Variants in SYNJ2 observed in about 807,000 individuals in gnomAD.
The protein encoded by SYNJ2 is synaptojanin 2, also known as polyphosphatidylinositol phosphatase SYNJ2.
SYNJ2 carries 116 observed loss-of-function variants against 141.3 expected under a neutral mutation model. The ratio of observed to expected loss-of-function variants is 0.82; its 90% CI spans 0.71 to 0.96. The LOEUF (loss-of-function observed/expected upper bound fraction) is 0.96. Ranked by LOEUF, SYNJ2 falls within the 40% of genes least tolerant of loss-of-function variation. The pLI is 0.00. For missense variants in SYNJ2, 1,873 were observed against 1,934.8 expected (o/e 0.97, Z 0.60); for synonymous variants, 745 against 777.7 (o/e 0.96, Z 0.70).
intron 5 of SYNJ2, among the ~76,000 whole-genome samples, chr6:158,046,826 C>T (rs1465684306): frequency 6.6e-6 from 1 of 152,114 alleles, no homozygotes; most frequent in Non-Finnish European, 1.5e-5. Context: ...CTAGCTAGTT[C>T]GAGAATCTAT....
At chr6:158,065,359 G>C (rs1781501156) in intron 11 of SYNJ2, among the ~76,000 whole-genome samples, 1 of 152,206 alleles carries the variant, frequency 6.6e-6, no homozygotes, top group Non-Finnish European at 1.5e-5. Context: ...TGTTGGCTTT[G>C]GGAGCTTCCC....
At chr6:158,056,057 G>A (rs2128357030) in intron 6 of SYNJ2, among the ~76,000 whole-genome samples, 1 of 152,250 alleles carries the variant, frequency 6.6e-6, no homozygotes, top group East Asian at 1.9e-4. Context: ...GGAGTCGCCT[G>A]GGTGACAGAG....
Position 158,078,270 on chromosome 6 carries a change from G to A in SYNJ2, c.2556G>A (p.Ala852=), listed in dbSNP as rs2296507. ...LQYYGRAELQ[A]SDHRPVLAIV... ...ATTATGGTCGTGCGGAGCTACAAGCGTCTGATCACAGGTGAGGTCCTGACT... is the reference window on the plus strand; with the variant it reads ...ATTATGGTCGTGCGGAGCTACAAGCATCTGATCACAGGTGAGGTCCTGACT... Residue 852 remains alanine (A), a synonymous_variant, in exon 18 of 27, where the codon GCG becomes GCA. Coordinates refer to ENST00000355585, the MANE Select transcript of SYNJ2 (RefSeq NM_003898.4). 10 of 1,612,216 alleles carry A rather than the reference G, an allele frequency of 6.2e-6. No individual in the cohort carries two copies. Among genetic ancestry groups the A allele is most frequent in the South Asian group, 5.5e-5 (5 of 91,010 alleles).
chr6:158,024,765 G>A (rs981650542), intron 2 of SYNJ2, among the ~76,000 whole-genome samples: 1 of 152,120 alleles, frequency 6.6e-6, no homozygotes, highest in Non-Finnish European at 1.5e-5. Context: ...CTGAAGAGGG[G>A]GGACTGGAAA....
In SYNJ2 at chr6:158,004,562, C is replaced by T. The variant is rs997164643; in HGVS notation, c.128-12642C>T. On this transcript the variant is annotated intron_variant, in intron 1 of 26. Coordinates refer to ENST00000355585, the MANE Select transcript of SYNJ2 (RefSeq NM_003898.4). ...ACCCCTTTCCCAGAAATGAATAATC[C>T]ACCCCTTATTTAGCATATAATCCAG... Among the ~76,000 whole-genome samples, 3 of 152,172 alleles carry T rather than the reference C, an allele frequency of 2.0e-5. No individual in the cohort carries two copies. The East Asian group carries it at 5.8e-4, about 29-fold the overall frequency.
chr6:158,025,109 C>T (rs73015982), intron 2 of SYNJ2, among the ~76,000 whole-genome samples: 12,091 of 152,218 alleles, frequency 0.079, 571 homozygotes, highest in South Asian at 0.19. Context: ...GCTGGAAGTC[C>T]GAGACCAGCG....
At chr6:158,006,450 A>G (rs2886119) in intron 1 of SYNJ2, among the ~76,000 whole-genome samples, 81,048 of 151,910 alleles carry the variant, frequency 0.53, 22,074 homozygotes, top group Middle Eastern at 0.71. Context: ...TGACCTGCTG[A>G]CTGCTCTTGC....
Position 158,063,861 on chromosome 6 carries a change from A to G in SYNJ2, c.1198A>G (p.Ile400Val), listed in dbSNP as rs1164090498. ...LDRTNTVQSF[I>V]ALEVLHLQLK... The stretch of plus-strand genomic sequence containing the variant: ...CCGAACCAACACTGTGCAGAGCTTC[A>G]TCGCGCTCGAGGTGCGTCCCTGCCA... Residue 400 changes from isoleucine to valine, a missense_variant, in exon 9 of 27, where the codon ATC (isoleucine) becomes GTC (valine). By Grantham distance (29) the Ile-to-Val change is conservative. Coordinates refer to ENST00000355585, the MANE Select transcript of SYNJ2 (RefSeq NM_003898.4). 1.9e-6 allele frequency: 3 copies of G among 1,613,520 alleles called. No homozygotes were observed. The highest frequency in any genetic ancestry group is 4.5e-5 in the East Asian group (2 of 44,858).
At chr6:157,999,835 G>A (rs1479772216) in intron 1 of SYNJ2, among the ~76,000 whole-genome samples, 1 of 152,208 alleles carries the variant, frequency 6.6e-6, no homozygotes, top group Non-Finnish European at 1.5e-5. Flanking sequence ...AAGCTGTGAT[G>A]TGCAGGTGAC....
In SYNJ2 at chr6:158,095,666, A is replaced by G. The variant is rs1055319536; in HGVS notation, c.3793A>G (p.Ile1265Val). The change falls in exon 27 of 27, where the codon ATC becomes GTC. Residue 1265 changes from isoleucine to valine, a missense_variant. Transcript: ENST00000355585. ...QFEQQTVHFT[I>V]GPPETSVEAP... The stretch of plus-strand genomic sequence containing the variant: ...TGAGCAACAGACTGTCCATTTTACA[A>G]TCGGGCCCCCGGAGACAAGCGTTGA... The G allele has an allele frequency of 8.1e-6, 13 of 1,612,608 alleles. No individual in the cohort carries two copies. The highest frequency in any genetic ancestry group is 4.4e-5 in the South Asian group (4 of 90,898).
chr6:158,010,327 G>A (rs1778217516), intron 1 of SYNJ2, among the ~76,000 whole-genome samples: 1 of 152,228 alleles, frequency 6.6e-6, no homozygotes, highest in Non-Finnish European at 1.5e-5. Flanking sequence ...AGAAAATACA[G>A]TTGTTTGGGG....
intron 4 of SYNJ2, among the ~76,000 whole-genome samples, chr6:158,039,853 G>A (rs547688595): frequency 4.6e-5 from 7 of 152,282 alleles, no homozygotes; most frequent in African/African-American, 1.7e-4. Flanking sequence ...TTGTGGTGCC[G>A]CCCGCAGGTC....
In SYNJ2 at chr6:158,088,817, G is replaced by A. The variant is rs759127026; in HGVS notation, c.3456+45G>A. ...TTTCAATCCCAAGGGTTTTGCCCCC[G>A]GGATAGTGTGGGATCTCTCTTCTCA... On this transcript the variant is annotated intron_variant, in intron 24 of 26. Coordinates refer to ENST00000355585, the MANE Select transcript of SYNJ2 (RefSeq NM_003898.4). The A allele has an allele frequency of 2.1e-5, 27 of 1,300,762 alleles. No homozygotes were observed. In the African/African-American group the frequency reaches 2.8e-4, roughly 13 times the overall value. 80.6% of individuals were successfully genotyped at this position (1,300,762 alleles called of 1,614,324 possible).
chr6:158,041,837 T>C (rs1463602638), intron 4 of SYNJ2, among the ~76,000 whole-genome samples: 2 of 152,210 alleles, frequency 1.3e-5, no homozygotes, highest in Non-Finnish European at 2.9e-5. Context: ...GCCTCCCGAA[T>C]AGCTGGGACT....
chr6:158,038,431 C>T (rs533856266), intron 4 of SYNJ2, among the ~76,000 whole-genome samples: 7 of 152,326 alleles, frequency 4.6e-5, no homozygotes, highest in East Asian at 1.9e-4. Flanking sequence ...ATGGTGACTT[C>T]GTTAACAAGA....
chr6:158,023,219 C>T (rs1336619041), intron 2 of SYNJ2, among the ~76,000 whole-genome samples: 1 of 150,308 alleles, frequency 6.7e-6, no homozygotes, highest in Non-Finnish European at 1.5e-5. Flanking sequence ...GATCAAGTCA[C>T]TGCACTCCAG....
chr6:157,996,709 TATC>T (rs1373757456), intron 1 of SYNJ2, among the ~76,000 whole-genome samples: 1 of 152,184 alleles, frequency 6.6e-6, no homozygotes, highest in African/African-American at 2.4e-5. Context: ...CCCCTGGGGT[TATC>T]ATTGAAACAG....
In SYNJ2 at chr6:158,027,028, C is replaced by G; in HGVS notation, c.215-1728C>G. 2 of 985,406 alleles carry G rather than the reference C, an allele frequency of 2.0e-6. No homozygotes were observed. The highest frequency in any genetic ancestry group is 2.4e-6 in the Non-Finnish European group (2 of 829,928). 61.0% of individuals were successfully genotyped at this position (985,406 alleles called of 1,614,324 possible). On this transcript the variant is annotated intron_variant, in intron 2 of 26. Transcript: ENST00000355585. The surrounding 1 kb of genome is among the most constrained non-coding windows in gnomAD (Gnocchi z 4.6). ...CTGGGGAGATGTGATGGGATCAACC[C>G]CCTGCCCTGCTGGCAGCCCCACCCC... is the stretch of plus-strand genomic sequence containing the variant.
chr6:158,076,221 C>T (rs564179899), intron 16 of SYNJ2, among the ~76,000 whole-genome samples: 1 of 152,094 alleles, frequency 6.6e-6, no homozygotes, highest in Non-Finnish European at 1.5e-5. Flanking sequence ...TCACTCTGCG[C>T]TTCTATGTAC....
Sources: allele counts gnomAD v4.1 joint callset (sites outside exome capture counted in the v4.1 genomes callset), GRCh38; gene constraint gnomAD v4.1.1; non-coding constraint Gnocchi (gnomAD v3.1); transcripts MANE v1.5; gene names NCBI Gene and HGNC (gene_info 2026-07-23, HGNC 2026-07-21).